The following MAP6 variants were observed in gnomAD, a reference collection of about 807,000 sequenced individuals.
MAP6 encodes microtubule associated protein 6.
A neutral mutation model predicts 42.4 loss-of-function variants in MAP6; 26 were observed. The ratio of observed to expected loss-of-function variants is 0.61; its 90% CI spans 0.45 to 0.85. MAP6 has a LOEUF of 0.85. Among genes scored for constraint, MAP6 ranks in the 40% least tolerant of loss-of-function variants. The probability of loss-of-function intolerance (pLI) is 0.00; values close to 1 mark genes in which losing one functional copy is unlikely to be tolerated. For synonymous variants in MAP6, 418 were observed against 443.8 expected (o/e 0.94, Z 0.73); for missense variants, 966 against 1,099.0 (o/e 0.88, Z 1.71).
chr11:75,605,421 C>T (rs1942742554), intron 3 of MAP6: 7 of 1,002,550 alleles, frequency 7.0e-6, no homozygotes, highest in Non-Finnish European at 2.4e-6. Flanking sequence ...AGTTCAAAAT[C>T]GACCAGTGAC....
In MAP6 at chr11:75,668,078, C is replaced by A; in HGVS notation, c.292G>T (p.Gly98Cys). Reference protein sequence around the residue: ...GPTGEREPAAGPGRSGPGPGL... With the variant: ...GPTGEREPAACPGRSGPGPGL... Reference sequence around the variant, plus strand: ...GGGCCCGGCCCGCTCCGGCCGGGGCCCGCCGCCGGCTCGCGCTCGCCGGTA... The same window carrying A: ...GGGCCCGGCCCGCTCCGGCCGGGGCACGCCGCCGGCTCGCGCTCGCCGGTA... Residue 98 changes from glycine to cysteine, a missense_variant, in exon 1 of 4, where the codon GGC becomes TGC. Physicochemically the swap from Gly to Cys is radical, Grantham distance 159 (BLOSUM62 -3). Around this residue, in one of 2 missense-constraint regions of MAP6, gnomAD observed 943 missense variants for 1,049.9 expected, o/e 0.90. Coordinates refer to ENST00000304771, the MANE Select transcript of MAP6 (RefSeq NM_033063.2). 8.2e-7 allele frequency: 1 copy of A among 1,220,764 alleles called. No individual in the cohort carries two copies. The highest frequency in any genetic ancestry group is 3.9e-5 in the South Asian group (1 of 25,482). The allele number at this position is 1,220,764 out of a possible 1,614,324, so 75.6% of individuals were successfully genotyped here.
chr11:75,636,199 G>GATAT (rs1943366514), intron 1 of MAP6: 1 of 152,182 alleles, frequency 6.6e-6, no homozygotes, highest in South Asian at 2.1e-4. Context: ...ACAACCTTGG[G>GATAT]ATATAAACAG....
chr11:75,627,780 G>A lies in MAP6; in HGVS notation c.906-19458C>T, dbSNP rs528004652. ...TCAGGGGGTTCCGTGTCTTGACCTT[G>A]GACAGCAATAAGTAGAGATGTTAGA... On this transcript the variant is annotated intron_variant, in intron 1 of 3. Coordinates refer to ENST00000304771, the MANE Select transcript of MAP6 (RefSeq NM_033063.2). 1.8e-4 allele frequency among the ~76,000 whole-genome samples: 27 copies of A among 152,188 alleles called. No individual in the cohort carries two copies. In the South Asian group the frequency reaches 5.2e-3, roughly 29 times the overall value.
intron 1 of MAP6, among the ~76,000 whole-genome samples, chr11:75,663,002 C>T (rs931886197): frequency 6.6e-6 from 1 of 150,978 alleles, no homozygotes; most frequent in Non-Finnish European, 1.5e-5. Flanking sequence ...CACTCTGTCA[C>T]CCAGGCTGGA....
chr11:75,587,823 T>G lies in MAP6; in HGVS notation c.1678A>C (p.Lys560Gln), dbSNP rs1270027690. Residue 560 changes from lysine to glutamine, a missense_variant, in exon 4 of 4, where the codon AAG (lysine) becomes CAG (glutamine). Lys to Gln is a moderately conservative substitution (Grantham distance 53). Transcript: ENST00000304771. ...TCAGGAATCCTAGGACCTTGATCCT[T>G]TAGAGACTCTGGTACCACAGAGCCT... ...DQGSVVPESL[K>Q]DQGPRIPEPV... 6.2e-7 allele frequency: 1 copy of G among 1,614,154 alleles called. No homozygotes were observed. Among genetic ancestry groups the G allele is most frequent in the East Asian group, 2.2e-5 (1 of 44,872 alleles).
In MAP6 at chr11:75,587,282, C is replaced by T. The variant is rs141659980; in HGVS notation, c.2219G>A (p.Arg740His). 2,120 of 1,614,120 alleles carry T rather than the reference C, an allele frequency of 1.3e-3. 2 individuals carry two copies. Among genetic ancestry groups the T allele is most frequent in the Middle Eastern group, 1.8e-3 (11 of 6,062 alleles). Residue 740 changes from arginine to histidine, a missense_variant, in exon 4 of 4, where the codon CGT becomes CAT. Physicochemically the swap from Arg to His is conservative, Grantham distance 29 (BLOSUM62 0). Coordinates refer to ENST00000304771, the MANE Select transcript of MAP6 (RefSeq NM_033063.2). Reference protein sequence around the residue: ...TVLQPPKNQGRIVPEPLKNQV... With the variant: ...TVLQPPKNQGHIVPEPLKNQV... ...ATTCTTCAGAGGTTCAGGGACTATA[C>T]GACCTTGATTCTTTGGAGGCTGTAG...
At chr11:75,621,100 C>A (rs1943102344) in intron 1 of MAP6, among the ~76,000 whole-genome samples, 1 of 150,332 alleles carries the variant, frequency 6.7e-6, no homozygotes, top group South Asian at 2.1e-4. Flanking sequence ...CACTGCACTC[C>A]AGCCTGGGTG....
intron 2 of MAP6, chr11:75,607,683 G>C (rs1045575234): frequency 1.0e-6 from 1 of 985,280 alleles, no homozygotes; most frequent in African/African-American, 1.7e-5. Context: ...CCAGTGATTG[G>C]AGCCAAGGAT....
At chr11:75,645,176 A>G (rs960650093) in intron 1 of MAP6, among the ~76,000 whole-genome samples, 2 of 152,200 alleles carry the variant, frequency 1.3e-5, no homozygotes, top group South Asian at 4.1e-4. Context: ...TTTGGACCCC[A>G]GTATCAGCTC....
chr11:75,656,466 G>A (rs1943751205), intron 1 of MAP6, among the ~76,000 whole-genome samples: 1 of 152,236 alleles, frequency 6.6e-6, no homozygotes, highest in African/African-American at 2.4e-5. Flanking sequence ...GTTCCTGTGT[G>A]TAATGTACAA....
chr11:75,667,924 G>A lies in MAP6; in HGVS notation c.446C>T (p.Pro149Leu). 6 of 1,399,916 alleles carry A rather than the reference G, an allele frequency of 4.3e-6. No individual in the cohort carries two copies. Among genetic ancestry groups the A allele is most frequent in the Non-Finnish European group, 5.6e-6 (6 of 1,072,654 alleles). 86.7% of individuals were successfully genotyped at this position (1,399,916 alleles called of 1,614,324 possible). Residue 149 changes from proline (P) to leucine (L), a missense_variant, in exon 1 of 4, where the codon CCC (proline) becomes CTC (leucine). By Grantham distance (98) the Pro-to-Leu change is moderately conservative. This residue lies in a region of MAP6 where 943 missense variants were observed against 1,049.9 expected (regional missense o/e 0.90). Transcript: ENST00000304771. This position sits in a 1 kb window ranked among gnomAD's most constrained non-coding sequence, Gnocchi z 5.6. The stretch of plus-strand genomic sequence containing the variant: ...CTGGTACTGGGTCTCGCGCTCGAAG[G>A]GAGCGTCGGAGGGCTGGTATTCGCT... ...PRSEYQPSDA[P>L]FERETQYQKD...
At chr11:75,617,514 CAAAAAAAAAAAAA>C (rs61477947) in intron 1 of MAP6, among the ~76,000 whole-genome samples, 5 of 28,164 alleles carry the variant, frequency 1.8e-4, no homozygotes, top group South Asian at 3.4e-3. Context: ...AGACTGTCTC[CAAAAAAAAAAAAA>C]AAAAAAAAAA....
At chr11:75,645,232 G>A (rs1385087133) in intron 1 of MAP6, among the ~76,000 whole-genome samples, 1 of 152,046 alleles carries the variant, frequency 6.6e-6, no homozygotes, top group East Asian at 1.9e-4. Context: ...GTAGAATGGG[G>A]AGTGGGAACT....
At chr11:75,609,545 G>A (rs1344357295) in intron 1 of MAP6, among the ~76,000 whole-genome samples, 2 of 152,236 alleles carry the variant, frequency 1.3e-5, no homozygotes, top group African/African-American at 4.8e-5. Context: ...TATGCTGGCA[G>A]GCCTTTCCCT....
intron 1 of MAP6, among the ~76,000 whole-genome samples, chr11:75,662,818 G>C (rs1340678467): frequency 2.6e-5 from 4 of 152,182 alleles, no homozygotes; most frequent in Non-Finnish European, 5.9e-5. Flanking sequence ...TCAGTCTTTT[G>C]AAAGTTCTCC....
intron 1 of MAP6, among the ~76,000 whole-genome samples, chr11:75,611,498 C>A (rs950124237): frequency 6.6e-6 from 1 of 152,226 alleles, no homozygotes; most frequent in Non-Finnish European, 1.5e-5. Context: ...ATCATCTTCA[C>A]ATGAGACCTT....
intron 1 of MAP6, among the ~76,000 whole-genome samples, chr11:75,619,812 A>G (rs1943076729): frequency 6.6e-6 from 1 of 152,216 alleles, no homozygotes; most frequent in Admixed American, 6.5e-5. Context: ...TTTATAACAG[A>G]ATGATTTATA....
chr11:75,643,195 A>C (rs1943503417), intron 1 of MAP6, among the ~76,000 whole-genome samples: 1 of 151,016 alleles, frequency 6.6e-6, no homozygotes, highest in Admixed American at 6.6e-5. Flanking sequence ...TATGTTACTA[A>C]AATTTATTAT....
At chr11:75,627,547 C>G (rs1474513572) in intron 1 of MAP6, among the ~76,000 whole-genome samples, 5 of 152,128 alleles carry the variant, frequency 3.3e-5, no homozygotes, top group Admixed American at 6.5e-5. Flanking sequence ...GACCTGAAAA[C>G]AAGGGGACCG....
Sources: gnomAD v4.1 joint callset for allele counts (sites outside exome capture counted in the v4.1 genomes callset) on GRCh38, gnomAD v4.1.1 for gene constraint, gnomAD v4.1.1 regional missense constraint, Gnocchi (gnomAD v3.1) non-coding constraint, MANE v1.5 for transcripts, NCBI Gene and HGNC (gene_info 2026-07-23, HGNC 2026-07-21) for gene names.